Variants in UXS1 observed in about 807,000 individuals in gnomAD.
The protein encoded by UXS1 is UDP-glucuronate decarboxylase 1, also known as UDP-glucuronic acid decarboxylase 1.
UXS1 carries 33 observed loss-of-function variants against 62.6 expected under a neutral mutation model. The ratio of observed to expected loss-of-function variants is 0.53; its 90% confidence interval spans 0.40 to 0.70. The LOEUF is 0.70. Among genes scored for constraint, UXS1 ranks in the 30% least tolerant of loss-of-function variants. The pLI is 0.00. For synonymous variants in UXS1, 213 were observed against 206.8 expected (o/e 1.03, Z -0.26); for missense variants, 434 against 556.3 (o/e 0.78, Z 2.21).
intron 6 of UXS1, chr2:106,138,273 C>T: frequency 1.0e-6 from 1 of 985,508 alleles, no homozygotes; most frequent in Non-Finnish European, 1.2e-6. Flanking sequence ...CATCCTTGGT[C>T]AGAAATAATC....
chr2:106,102,063 A>C (rs1050225657), intron 11 of UXS1: 1 of 152,148 alleles, frequency 6.6e-6, no homozygotes, highest in Non-Finnish European at 1.5e-5. Flanking sequence ...CAATTGAAAA[A>C]ACCTATTGGG....
At chr2:106,161,952 A>G (rs1028209660) in intron 4 of UXS1, among the ~76,000 whole-genome samples, 19 of 152,270 alleles carry the variant, frequency 1.2e-4, no homozygotes, top group African/African-American at 4.1e-4. Flanking sequence ...CGTCAAGTAA[A>G]CCTATTTCCA....
chr2:106,128,601 A>C (rs1680169511), intron 7 of UXS1, among the ~76,000 whole-genome samples: 1 of 152,172 alleles, frequency 6.6e-6, no homozygotes, highest in Non-Finnish European at 1.5e-5. Flanking sequence ...TCTGGTTCTC[A>C]GGCCTTGGAA....
chr2:106,107,509 G>GC (rs1375188506), intron 10 of UXS1, among the ~76,000 whole-genome samples: 2 of 152,192 alleles, frequency 1.3e-5, no homozygotes, highest in African/African-American at 4.8e-5. Context: ...TGCTGGGTAA[G>GC]CCCCCCGACC....
At chr2:106,148,498 G>C (rs1681758552) in intron 5 of UXS1, among the ~76,000 whole-genome samples, 1 of 152,162 alleles carries the variant, frequency 6.6e-6, no homozygotes. Flanking sequence ...ACAGTTCTGA[G>C]ATATCAGAGA....
At chr2:106,106,574 T>G (rs1032611235) in intron 10 of UXS1, among the ~76,000 whole-genome samples, 1 of 152,206 alleles carries the variant, frequency 6.6e-6, no homozygotes, top group Non-Finnish European at 1.5e-5. Context: ...TGGGGATTCC[T>G]GTCAACACAG....
intron 4 of UXS1, among the ~76,000 whole-genome samples, chr2:106,162,654 T>C (rs1682968314): frequency 6.6e-6 from 1 of 152,214 alleles, no homozygotes; most frequent in African/African-American, 2.4e-5. Flanking sequence ...CACAGAATCA[T>C]GGCAAAAAAA....
chr2:106,141,054 C>A (rs1293626933), intron 6 of UXS1, among the ~76,000 whole-genome samples: 2 of 152,192 alleles, frequency 1.3e-5, no homozygotes, highest in African/African-American at 4.8e-5. Context: ...TGGCCCCAAA[C>A]TGCAATCAAC....
At chr2:106,123,607 C>A (rs1322705226) in intron 8 of UXS1, among the ~76,000 whole-genome samples, 5 of 152,124 alleles carry the variant, frequency 3.3e-5, no homozygotes, top group Non-Finnish European at 7.3e-5. Context: ...GACGGGGTGC[C>A]CCTGGCAAAT....
intron 2 of UXS1, among the ~76,000 whole-genome samples, chr2:106,165,121 G>C (rs1236767478): frequency 6.6e-6 from 1 of 152,224 alleles, no homozygotes; most frequent in Non-Finnish European, 1.5e-5. Context: ...GTATGTGTTT[G>C]TGCCTGCTGG....
chr2:106,187,758 T>G (rs1169627242), intron 1 of UXS1, among the ~76,000 whole-genome samples: 3 of 151,492 alleles, frequency 2.0e-5, no homozygotes, highest in South Asian at 2.1e-4. Context: ...TTTTTTTTTT[T>G]GAGATGGAGT....
At chr2:106,169,356 T>C (rs1191679638) in intron 1 of UXS1, among the ~76,000 whole-genome samples, 3 of 152,264 alleles carry the variant, frequency 2.0e-5, no homozygotes, top group East Asian at 3.8e-4. Flanking sequence ...CCATCGTTAT[T>C]TGCTTTTTCA....
At chr2:106,190,640 G>A (rs1684862854) in intron 1 of UXS1, among the ~76,000 whole-genome samples, 1 of 151,370 alleles carries the variant, frequency 6.6e-6, no homozygotes, top group South Asian at 2.1e-4. Flanking sequence ...CTACTCAGGA[G>A]GCTGAGGCAG....
intron 8 of UXS1, among the ~76,000 whole-genome samples, chr2:106,123,310 A>G (rs901849835): frequency 1.3e-5 from 2 of 152,088 alleles, no homozygotes; most frequent in Non-Finnish European, 2.9e-5. Flanking sequence ...GAAAAAAAAA[A>G]AGAAAAAGAT....
At position 106,097,130 on chromosome 2, in the gene UXS1, A is replaced by T. The variant is rs146882161; in HGVS notation, c.1043-309T>A. ...CACTACAAGAGGGTTGCTCCAAGGC[A>T]GACCACCCACACCAGGTAACAAGTG... On this transcript the variant is annotated intron_variant, in intron 13 of 14. Transcript: ENST00000283148. 3.2e-4 allele frequency: 164 copies of T among 508,866 alleles called. 2 individuals are homozygous for T. Among genetic ancestry groups the T allele is most frequent in the African/African-American group, 2.2e-3 (117 of 52,234 alleles). 31.5% of individuals were successfully genotyped at this position (508,866 alleles called of 1,614,324 possible). A position where few individuals can be genotyped will look rare whatever the true frequency, so the allele number is the denominator to read the frequency against.
intron 1 of UXS1, among the ~76,000 whole-genome samples, chr2:106,192,415 G>A (rs1042128827): frequency 6.6e-5 from 10 of 152,266 alleles, no homozygotes; most frequent in African/African-American, 2.2e-4. Flanking sequence ...TTAGCCGGGC[G>A]TGGTGGCGGG....
intron 11 of UXS1, 150 bp from the exon 12 acceptor site, chr2:106,101,268 C>T (rs1426551394): frequency 2.8e-6 from 2 of 706,096 alleles, no homozygotes; most frequent in African/African-American, 3.6e-5. Flanking sequence ...CAAAATCCTA[C>T]AAACTAAGAT....
chr2:106,180,081 C>G lies in UXS1; in HGVS notation c.95-13998G>C, dbSNP rs1684144146. 2.0e-5 allele frequency among the ~76,000 whole-genome samples: 3 copies of G among 152,344 alleles called. No homozygotes were observed. In the East Asian group the frequency reaches 5.8e-4, roughly 29 times the overall value. ...CCGAGATCACACCACTGCACTCCAG[C>G]CTAGGCGACAGAGCGAGACTCCGTC... On this transcript the variant is annotated intron_variant, in intron 1 of 14. Transcript: ENST00000283148.
At chr2:106,186,477 T>C (rs899763571) in intron 1 of UXS1, among the ~76,000 whole-genome samples, 52 of 42,100 alleles carry the variant, frequency 1.2e-3, no homozygotes, top group East Asian at 6.9e-3. Flanking sequence ...CACACACACA[T>C]ATACATGAAT....
Sources: allele counts gnomAD v4.1 joint callset (sites outside exome capture counted in the v4.1 genomes callset), GRCh38; gene constraint gnomAD v4.1.1; transcripts MANE v1.5; gene names NCBI Gene and HGNC (gene_info 2026-07-23, HGNC 2026-07-21).